Variants in KANK1 observed in about 807,000 individuals in gnomAD.
KANK1 encodes the protein KN motif and ankyrin repeat domains 1, also known as KN motif and ankyrin repeat domain-containing protein 1.
In KANK1, 109 loss-of-function variants were observed where a neutral mutation model predicts 106.2. The ratio of observed to expected loss-of-function variants is 1.03; its 90% CI spans 0.88 to 1.20. The LOEUF (loss-of-function observed/expected upper bound fraction) is 1.20. KANK1 is among the 50% of genes most tolerant of loss of function. The probability of loss-of-function intolerance (pLI) is 0.00; values close to 1 mark genes in which losing one functional copy is unlikely to be tolerated. For synonymous variants in KANK1, 873 were observed against 652.2 expected, an observed-to-expected ratio of 1.34 and a Z score of -5.16; for missense variants, 2,399 against 1,710.7, an observed-to-expected ratio of 1.40 and a Z score of -7.10.
intron 1 of KANK1, among the ~76,000 whole-genome samples, chr9:620,267 A>G (rs16921252): frequency 0.05 from 7,581 of 152,194 alleles, 617 homozygotes; most frequent in African/African-American, 0.17. Flanking sequence ...CATTAATCAC[A>G]TCCATTCCTT....
At chr9:689,088 A>T (rs548972473) in intron 2 of KANK1, among the ~76,000 whole-genome samples, 2 of 152,124 alleles carry the variant, frequency 1.3e-5, no homozygotes, top group African/African-American at 4.8e-5. Context: ...TGTCCCCCCA[A>T]TTCATTTGGT....
chr9:727,722 G>A (rs1397430435), intron 3 of KANK1, among the ~76,000 whole-genome samples: 2 of 151,368 alleles, frequency 1.3e-5, no homozygotes, highest in Non-Finnish European at 2.9e-5. Context: ...GTGTGTATGT[G>A]TGTGTGTGGT....
At chr9:608,760 T>G (rs2136082021) in intron 1 of KANK1, among the ~76,000 whole-genome samples, 2 of 152,306 alleles carry the variant, frequency 1.3e-5, no homozygotes, top group South Asian at 4.1e-4. Context: ...GCTACCTAGA[T>G]GAAGGCAACT....
intron 1 of KANK1, among the ~76,000 whole-genome samples, chr9:647,082 C>G (rs774642787): frequency 2.0e-5 from 3 of 151,108 alleles, no homozygotes; most frequent in Non-Finnish European, 4.4e-5. Flanking sequence ...ATCCCCATGA[C>G]TTTGTTATCT....
chr9:493,041 AAAAAG>A (rs925215988), intron 3 of KANK1, among the ~76,000 whole-genome samples: 35 of 150,862 alleles, frequency 2.3e-4, no homozygotes, highest in Non-Finnish European at 4.1e-4. Context: ...AAAAAAAAAA[AAAAAG>A]AAAAGAAAAC....
intron 3 of KANK1, among the ~76,000 whole-genome samples, chr9:480,859 A>G (rs1379593072): frequency 6.6e-6 from 1 of 152,204 alleles, no homozygotes; most frequent in Non-Finnish European, 1.5e-5. Flanking sequence ...AAGGCATTAG[A>G]AAGTGGACCA....
chr9:605,588 A>C (rs915293245), intron 1 of KANK1, among the ~76,000 whole-genome samples: 9 of 151,816 alleles, frequency 5.9e-5, no homozygotes, highest in Admixed American at 1.3e-4. Flanking sequence ...GCAGCTGTGT[A>C]ATATTGTTTC....
chr9:510,864 C>G (rs1286569436), intron 1 of KANK1, among the ~76,000 whole-genome samples: 1 of 152,170 alleles, frequency 6.6e-6, no homozygotes, highest in Non-Finnish European at 1.5e-5. Context: ...CCTTTCCCCT[C>G]AGGTAAAATT....
intron 2 of KANK1, among the ~76,000 whole-genome samples, chr9:700,457 A>G (rs1231942318): frequency 6.6e-6 from 1 of 152,176 alleles, no homozygotes; most frequent in Non-Finnish European, 1.5e-5. Flanking sequence ...ACTCCTGGAA[A>G]AGTTGATGTG....
At chr9:654,062 G>C (rs575150144) in intron 1 of KANK1, among the ~76,000 whole-genome samples, 10 of 152,240 alleles carry the variant, frequency 6.6e-5, no homozygotes, top group African/African-American at 9.6e-5. Flanking sequence ...AAATTGAGTG[G>C]CTTCTTACCA....
chr9:681,908 C>T lies in KANK1; in HGVS notation c.37+4899C>T, dbSNP rs557367561. Among the ~76,000 whole-genome samples, 18 of 152,184 alleles carry T rather than the reference C, an allele frequency of 1.2e-4. 1 individual carries two copies. The highest frequency in any genetic ancestry group is 3.4e-3 in the Middle Eastern group (1 of 294). On this transcript the variant is annotated intron_variant, in intron 2 of 11. Transcript: ENST00000382297. ...TTATAGCTTTTCCCTCATGCTCTTT[C>T]TTTTTTTGCAGCCTGGATATATATT... is the stretch of plus-strand genomic sequence containing the variant.
intron 1 of KANK1, among the ~76,000 whole-genome samples, chr9:535,666 C>T (rs1018218337): frequency 2.0e-5 from 3 of 152,168 alleles, no homozygotes; most frequent in Admixed American, 6.5e-5. Flanking sequence ...GGCCTTTGCC[C>T]GCCTTGGAGC....
chr9:714,570 C>G (rs888185460), intron 3 of KANK1, among the ~76,000 whole-genome samples: 3 of 152,002 alleles, frequency 2.0e-5, no homozygotes, highest in Admixed American at 6.6e-5. Context: ...ATTGGTCAGG[C>G]TGATCTTGAA....
chr9:593,513 T>G (rs957164868), intron 1 of KANK1, among the ~76,000 whole-genome samples: 1 of 148,818 alleles, frequency 6.7e-6, no homozygotes, highest in Non-Finnish European at 1.5e-5. Flanking sequence ...GTTATACACC[T>G]CAGTGGGATT....
chr9:621,684 C>G (rs1343665351), intron 1 of KANK1, among the ~76,000 whole-genome samples: 1 of 152,122 alleles, frequency 6.6e-6, no homozygotes, highest in East Asian at 1.9e-4. Flanking sequence ...CTTTCCTTCG[C>G]TCTCAGCAAG....
chr9:604,059 T>C (rs1436511084), intron 1 of KANK1, among the ~76,000 whole-genome samples: 1 of 150,448 alleles, frequency 6.6e-6, no homozygotes, highest in Non-Finnish European at 1.5e-5. Context: ...GAGAATGGAG[T>C]GTCAGTGATT....
intron 1 of KANK1, among the ~76,000 whole-genome samples, chr9:505,224 A>G (rs1193635981): frequency 6.6e-6 from 1 of 151,962 alleles, no homozygotes; most frequent in East Asian, 1.9e-4. Context: ...GTGGAGTTGG[A>G]TGTTGCCCTT....
upstream of KANK1, among the ~76,000 whole-genome samples, chr9:502,618 G>A (rs1425403293): frequency 2.6e-5 from 4 of 151,798 alleles, no homozygotes; most frequent in Non-Finnish European, 4.4e-5. Flanking sequence ...CAGCTTCCCG[G>A]GTTCAAGGAT....
rs754470891 is a variant in KANK1 at position 712,577 on chromosome 9, G to A, written c.1811G>A (p.Ser604Asn). 3 of 1,614,080 alleles carry A rather than the reference G, an allele frequency of 1.9e-6. No individual in the cohort carries two copies. The African/African-American group carries it at 4.0e-5, about 22-fold the overall frequency. Residue 604 changes from serine (S) to asparagine (N), a missense_variant, in exon 3 of 12, where the codon AGC (serine) becomes AAC (asparagine). Physicochemically the swap from Ser to Asn is conservative, Grantham distance 46. Coordinates refer to ENST00000382297, the MANE Select transcript of KANK1 (RefSeq NM_015158.5). ...GAAGTCAGCGTCTGCGAAACAGGCA[G>A]CAACACAGAGGAGTCTGTGAACGAC... ...SVEVSVCETG[S>N]NTEESVNDLT...
Sources: gnomAD v4.1 joint callset for allele counts (sites outside exome capture counted in the v4.1 genomes callset) on GRCh38, gnomAD v4.1.1 for gene constraint, MANE v1.5 for transcripts, NCBI Gene and HGNC (gene_info 2026-07-23, HGNC 2026-07-21) for gene names.